The following GSDME variants were observed in gnomAD, a reference collection of about 807,000 sequenced individuals.
The protein encoded by GSDME is gasdermin E.
GSDME carries 44 observed loss-of-function variants against 47.5 expected under a neutral mutation model. The ratio of observed to expected loss-of-function variants is 0.93; its 90% confidence interval spans 0.73 to 1.19. GSDME has a LOEUF of 1.19. GSDME is among the 50% of genes most tolerant of loss of function. The pLI, the probability that GSDME is intolerant of heterozygous loss-of-function variation, is 0.00. For synonymous variants in GSDME, 258 were observed against 252.8 expected (o/e 1.02, Z -0.20); for missense variants, 663 against 604.2 (o/e 1.10, Z -1.02).
At position 24,698,578 on chromosome 7, in the gene GSDME, A is replaced by G. The variant is rs144061292; in HGVS notation, c.*448T>C. On this transcript the variant is annotated 3_prime_UTR_variant, in exon 10 of 10. Transcript: ENST00000645220. ...ATTTACAGTTCATTTTCAGTCATCA[A>G]ATAACATACATCACTTCCAAAACGT... 2,050 of 248,128 alleles carry G rather than the reference A, an allele frequency of 8.3e-3. 60 individuals are homozygous for G. Among genetic ancestry groups the G allele is most frequent in the African/African-American group, 0.043 (1,881 of 43,900 alleles). The allele number at this position is 248,128 out of a possible 1,614,324, so 15.4% of individuals were successfully genotyped here.
chr7:24,699,113 A>C lies in GSDME; in HGVS notation c.1404T>G (p.Ala468=). The C allele has an allele frequency of 6.2e-7, 1 of 1,614,164 alleles. No individual in the cohort carries two copies. The highest frequency in any genetic ancestry group is 8.5e-7 in the Non-Finnish European group (1 of 1,179,992). The change falls in exon 10 of 10, where the codon GCT becomes GCG. Residue 468 remains alanine (A), a synonymous_variant. Coordinates refer to ENST00000645220, the MANE Select transcript of GSDME (RefSeq NM_001127453.2). ...AGACTTTAGAGTCCTTCAGAATGAC[A>C]GCTTTCACAGATGACTTCAGTCTCT... is the stretch of plus-strand genomic sequence containing the variant. ...SLERLKSSVK[A]VILKDSKVFP... is the part of the protein sequence containing the mutation.
intron 5 of GSDME, 192 bp downstream of exon 5, chr7:24,717,062 C>A (rs1789585772): frequency 1.5e-6 from 1 of 652,174 alleles, no homozygotes; most frequent in African/African-American, 1.8e-5. Context: ...AGGCATCCCT[C>A]ACCACACCCC....
the GSDME span, among the ~76,000 whole-genome samples, chr7:24,763,288 A>C: frequency 6.6e-6 from 1 of 151,958 alleles, no homozygotes; most frequent in Non-Finnish European, 1.5e-5. The surrounding 1 kb of genome is among the most constrained non-coding windows in gnomAD (Gnocchi z 4.3). Context: ...TCAGCATACA[A>C]TTTTTTTCTT....
Position 24,742,882 on chromosome 7 carries a change from A to C in GSDME, c.404+1680T>G, listed in dbSNP as rs984754263. Among the ~76,000 whole-genome samples, 7 of 152,244 alleles carry C rather than the reference A, an allele frequency of 4.6e-5. No homozygotes were observed. The highest frequency in any genetic ancestry group is 1.7e-4 in the African/African-American group (7 of 41,462). On this transcript the variant is annotated intron_variant, in intron 3 of 9. Coordinates refer to ENST00000645220, the MANE Select transcript of GSDME (RefSeq NM_001127453.2). The surrounding 1 kb of genome is among the most constrained non-coding windows in gnomAD (Gnocchi z 4.4). ...GTCCCAACAATTGCAGTTGAGAAGG[A>C]AAATGGGACTCTAGCAAAGATAAGC...
At chr7:24,709,717 C>T (rs1019849884) in intron 6 of GSDME, among the ~76,000 whole-genome samples, 2 of 152,222 alleles carry the variant, frequency 1.3e-5, no homozygotes, top group Non-Finnish European at 2.9e-5. Context: ...GCTGCAGGCA[C>T]ATCCTGGGCA....
chr7:24,744,642 G>A lies in GSDME; in HGVS notation c.324C>T (p.Arg108=), dbSNP rs376703607. 2.0e-5 allele frequency: 32 copies of A among 1,614,024 alleles called. No individual in the cohort carries two copies. The highest frequency in any genetic ancestry group is 1.6e-4 in the Middle Eastern group (1 of 6,084). The change falls in exon 3 of 10, where the codon CGC becomes CGT. Residue 108 remains arginine (R), a synonymous_variant. Coordinates refer to ENST00000645220, the MANE Select transcript of GSDME (RefSeq NM_001127453.2). This position sits in a 1 kb window ranked among gnomAD's most constrained non-coding sequence, Gnocchi z 4.5. ...TTCCAAATGAAGACTGGCTCTCTAC[G>A]CGGCTGCTGCCCCCCAGGTTCAGCT... ...KVKLNLGGSS[R]VESQSSFGTL... is the part of the protein sequence containing the mutation.
upstream of GSDME, among the ~76,000 whole-genome samples, chr7:24,762,498 G>T (rs1375886449): frequency 6.6e-6 from 1 of 152,078 alleles, no homozygotes; most frequent in African/African-American, 2.4e-5. Context: ...CCAGTATCCA[G>T]GTGAGCTATA....
the GSDME span, among the ~76,000 whole-genome samples, chr7:24,782,866 T>G: frequency 6.6e-6 from 1 of 152,272 alleles, no homozygotes; most frequent in Non-Finnish European, 1.5e-5. Context: ...AAATGTCTTC[T>G]TTTGAGAAGT....
At chr7:24,795,438 T>C in the GSDME span, among the ~76,000 whole-genome samples, 1 of 152,224 alleles carries the variant, frequency 6.6e-6, no homozygotes, top group East Asian at 1.9e-4. Flanking sequence ...TCGGCAGACT[T>C]ACAAAACCGA....
the GSDME span, among the ~76,000 whole-genome samples, chr7:24,774,694 G>A: frequency 8.8e-4 from 134 of 152,072 alleles, no homozygotes; most frequent in South Asian, 2.1e-3. Flanking sequence ...CACCACACCT[G>A]GCTAATTTTT....
rs1388502919 is a variant in GSDME, at chr7:24,698,802, A to G, written c.*224T>C. 3.5e-6 allele frequency: 2 copies of G among 572,140 alleles called. No individual in the cohort carries two copies. The highest frequency in any genetic ancestry group is 3.7e-5 in the African/African-American group (2 of 53,552). The allele number at this position is 572,140 out of a possible 1,614,324, so 35.4% of individuals were successfully genotyped here. A position where few individuals can be genotyped will look rare whatever the true frequency, so the allele number is the denominator to read the frequency against. ...CCAGCTCTTTACATGCTGGAACCTA[A>G]CTCAGATGCTGGGTCACCAGCACAG... On this transcript the variant is annotated 3_prime_UTR_variant, in exon 10 of 10. Transcript: ENST00000645220.
At chr7:24,778,274 A>G in the GSDME span, among the ~76,000 whole-genome samples, 1 of 151,950 alleles carries the variant, frequency 6.6e-6, no homozygotes, top group Non-Finnish European at 1.5e-5. This position sits in a 1 kb window ranked among gnomAD's most constrained non-coding sequence, Gnocchi z 5.6. Flanking sequence ...AAAAGGCTGG[A>G]ACCCAGACAT....
Position 24,715,082 on chromosome 7 carries a change from A to G in GSDME, c.697+2172T>C, listed in dbSNP as rs572057333. 8.1e-4 allele frequency among the ~76,000 whole-genome samples: 123 copies of G among 152,390 alleles called. 3 individuals carry two copies. In the South Asian group the frequency reaches 0.02, roughly 25 times the overall value. ...GCCAACCTCGATGAACCCAGAGGAC[A>G]GGATGCTAAATGAAATGACCCAGGC... On this transcript the variant is annotated intron_variant, in intron 5 of 9. Transcript: ENST00000645220.
chr7:24,791,435 C>CAT, the GSDME span, among the ~76,000 whole-genome samples: 1 of 152,298 alleles, frequency 6.6e-6, no homozygotes, highest in South Asian at 2.1e-4. The surrounding 1 kb of genome is among the most constrained non-coding windows in gnomAD (Gnocchi z 4.8). Context: ...CCTTGCCTAG[C>CAT]ATTGTGCTGC....
In GSDME at chr7:24,744,572, A is replaced by T. The variant is rs1255659035; in HGVS notation, c.394T>A (p.Ser132Thr). Residue 132 changes from serine to threonine, a missense_variant, in exon 3 of 10, where the codon TCT (serine) becomes ACT (threonine). Physicochemically the swap from Ser to Thr is moderately conservative, Grantham distance 58 (BLOSUM62 1). Coordinates refer to ENST00000645220, the MANE Select transcript of GSDME (RefSeq NM_001127453.2). This position sits in a 1 kb window ranked among gnomAD's most constrained non-coding sequence, Gnocchi z 4.5. ...AACAAGTCTCCTTACCTCTCGGCAG[A>T]GTCTCTGATGAGCTGCTGCAAATCC... is the stretch of plus-strand genomic sequence containing the variant. ...EVDLQQLIRDSAERTINLRNP... is the reference protein window; with the variant it reads ...EVDLQQLIRDTAERTINLRNP... The T allele has an allele frequency of 6.2e-7, 1 of 1,614,214 alleles. No homozygotes were observed. The highest frequency in any genetic ancestry group is 1.7e-5 in the Admixed American group (1 of 60,024).
the GSDME span, among the ~76,000 whole-genome samples, chr7:24,785,907 T>A: frequency 6.6e-6 from 1 of 152,242 alleles, no homozygotes; most frequent in Non-Finnish European, 1.5e-5. Flanking sequence ...AATCCCTCAA[T>A]ATACATATCC....
At chr7:24,710,469 C>T in intron 5 of GSDME, 81 bp from the exon 6 acceptor site, 2 of 1,347,702 alleles carry the variant, frequency 1.5e-6, no homozygotes, top group Non-Finnish European at 2.1e-6. Context: ...TCAGCCCAGC[C>T]TTGATGGCAC....
At position 24,698,636 on chromosome 7, in the gene GSDME, C is replaced by T. The variant is rs1021646273; in HGVS notation, c.*390G>A. The T allele has an allele frequency of 2.4e-5, 7 of 297,246 alleles. No homozygotes were observed. The highest frequency in any genetic ancestry group is 1.3e-4 in the African/African-American group (6 of 45,682). The allele number at this position is 297,246 out of a possible 1,614,324, so 18.4% of individuals were successfully genotyped here. A position where few individuals can be genotyped will look rare whatever the true frequency, so the allele number is the denominator to read the frequency against. Reference sequence around the variant, plus strand: ...TGTGTGCAGAGAAATTGCCTTCCCACAGCATTCACAATGTAAAAAGACCTT... The same window carrying T: ...TGTGTGCAGAGAAATTGCCTTCCCATAGCATTCACAATGTAAAAAGACCTT... On this transcript the variant is annotated 3_prime_UTR_variant, in exon 10 of 10. Coordinates refer to ENST00000645220, the MANE Select transcript of GSDME (RefSeq NM_001127453.2).
chr7:24,749,039 C>T (rs1335287616), intron 2 of GSDME, among the ~76,000 whole-genome samples: 2 of 152,300 alleles, frequency 1.3e-5, no homozygotes, highest in East Asian at 3.9e-4. Context: ...GCATGTCTTA[C>T]TTTTATACTA....
Sources: allele counts gnomAD v4.1 joint callset (sites outside exome capture counted in the v4.1 genomes callset), GRCh38; gene constraint gnomAD v4.1.1; non-coding constraint Gnocchi (gnomAD v3.1); transcripts MANE v1.5; gene names NCBI Gene and HGNC (gene_info 2026-07-23, HGNC 2026-07-21).